Variants in OR56A3 observed in about 807,000 individuals in gnomAD.
OR56A3 encodes olfactory receptor 56A3.
In OR56A3, 23 loss-of-function variants were observed where a neutral mutation model predicts 17.5. The ratio of observed to expected loss-of-function variants is 1.32; its 90% confidence interval spans 0.95 to 1.87. The LOEUF (loss-of-function observed/expected upper bound fraction) is 1.87, where lower values mean the gene tolerates loss of function less well. OR56A3 is among the 40% of genes most tolerant of loss of function. The pLI, the probability that OR56A3 is intolerant of heterozygous loss-of-function variation, is 0.00. For synonymous variants in OR56A3, 175 were observed against 150.6 expected, an observed-to-expected ratio of 1.16 and a Z score of -1.19; for missense variants, 366 against 380.1, an observed-to-expected ratio of 0.96 and a Z score of 0.31.
the OR56A3 span, among the ~76,000 whole-genome samples, chr11:5,966,123 C>T: frequency 1.3e-5 from 2 of 150,270 alleles, no homozygotes; most frequent in South Asian, 2.1e-4. Context: ...GTAATCACAG[C>T]ACTTTGGGAG....
the OR56A3 span, among the ~76,000 whole-genome samples, chr11:5,993,143 A>G: frequency 3.3e-5 from 5 of 152,208 alleles, no homozygotes; most frequent in Non-Finnish European, 7.3e-5. Flanking sequence ...TGGTATTTTC[A>G]AAGACCTAAA....
the OR56A3 span, chr11:5,967,806 C>T: frequency 3.7e-5 from 58 of 1,573,052 alleles, no homozygotes; most frequent in Non-Finnish European, 4.4e-5. Context: ...ACCCTTAATC[C>T]TTAGCACAGT....
chr11:5,966,918 A>T, the OR56A3 span, among the ~76,000 whole-genome samples: 7 of 151,834 alleles, frequency 4.6e-5, no homozygotes, highest in Admixed American at 4.6e-4. Flanking sequence ...ACACACACAC[A>T]CACATAAATA....
chr11:5,977,244 T>C, the OR56A3 span, among the ~76,000 whole-genome samples: 1 of 152,236 alleles, frequency 6.6e-6, no homozygotes. Flanking sequence ...ATGGGATTTC[T>C]GAGTCAAATT....
chr11:5,986,002 T>C, the OR56A3 span: 2 of 1,612,792 alleles, frequency 1.2e-6, no homozygotes, highest in Non-Finnish European at 1.7e-6. Flanking sequence ...CTTCACTCCA[T>C]AGACAAGAGG....
In OR56A3 at chr11:5,948,665, G is replaced by T; in HGVS notation, c.*371G>T. 1 of 188,378 alleles carries T rather than the reference G, an allele frequency of 5.3e-6. No individual in the cohort carries two copies. Among genetic ancestry groups the T allele is most frequent in the Non-Finnish European group, 1.1e-5 (1 of 89,890 alleles). 11.7% of individuals were successfully genotyped at this position (188,378 alleles called of 1,614,324 possible). ...TTTTGTTGTGTCTGTTATGTGTAAT[G>T]TCCTTTTATTCTTATTTTCAGAAAA... On this transcript the variant is annotated 3_prime_UTR_variant, in exon 3 of 3. Coordinates refer to ENST00000641160, the MANE Select transcript of OR56A3 (RefSeq NM_001003443.3).
chr11:5,976,802 C>G, the OR56A3 span, among the ~76,000 whole-genome samples: 13 of 151,798 alleles, frequency 8.6e-5, no homozygotes, highest in African/African-American at 3.1e-4. Flanking sequence ...GTTTGGTGTA[C>G]AGATTATTTA....
the OR56A3 span, among the ~76,000 whole-genome samples, chr11:6,014,532 G>T: frequency 6.6e-6 from 1 of 152,186 alleles, no homozygotes; most frequent in Non-Finnish European, 1.5e-5. Flanking sequence ...CTCACCAGAA[G>T]CAGATGCTGT....
At chr11:5,967,642 G>T in the OR56A3 span, 2 of 1,613,900 alleles carry the variant, frequency 1.2e-6, no homozygotes, top group Non-Finnish European at 1.7e-6. Context: ...GGGGGAATAA[G>T]GTGGTGCAGG....
chr11:6,008,376 A>G, the OR56A3 span, among the ~76,000 whole-genome samples: 1 of 152,246 alleles, frequency 6.6e-6, no homozygotes, highest in Admixed American at 6.5e-5. Context: ...GACATGCTAA[A>G]TGAAGAAAAC....
chr11:5,996,903 C>G, the OR56A3 span, among the ~76,000 whole-genome samples: 1 of 152,140 alleles, frequency 6.6e-6, no homozygotes, highest in Non-Finnish European at 1.5e-5. Flanking sequence ...GGTTTTCTGT[C>G]CCAGACAGAG....
Position 5,947,739 on chromosome 11 carries a change from C to A in OR56A3, c.393C>A (p.Cys131Ter). 6.2e-7 allele frequency: 1 copy of A among 1,614,182 alleles called. No individual in the cohort carries two copies. Among genetic ancestry groups the A allele is most frequent in the East Asian group, 2.2e-5 (1 of 44,882 alleles). ...VMAYDRYVAI[C>*]HPLRYPSIIT... The stretch of plus-strand genomic sequence containing the variant: ...CCTATGATCGTTATGTAGCCATCTG[C>A]CACCCACTGAGATATCCATCAATCA... Residue 131 changes from cysteine (C) to a stop codon, truncating the protein, a stop_gained, in exon 3 of 3, where the codon TGC (cysteine) becomes TGA (stop). Coordinates refer to ENST00000641160, the MANE Select transcript of OR56A3 (RefSeq NM_001003443.3). LOFTEE classifies it high-confidence loss of function.
At chr11:5,990,865 G>C in the OR56A3 span, among the ~76,000 whole-genome samples, 3 of 152,160 alleles carry the variant, frequency 2.0e-5, no homozygotes, top group Non-Finnish European at 2.9e-5. Context: ...GCAACACAGA[G>C]AGAACTAGGA....
the OR56A3 span, among the ~76,000 whole-genome samples, chr11:5,983,137 G>A: frequency 6.6e-6 from 1 of 151,790 alleles, no homozygotes; most frequent in African/African-American, 2.4e-5. Flanking sequence ...TGTTTACCTT[G>A]GACTTAATTT....
the OR56A3 span, among the ~76,000 whole-genome samples, chr11:6,015,367 G>C: frequency 8.7e-6 from 1 of 115,548 alleles, no homozygotes; most frequent in African/African-American, 3.9e-5. Context: ...CTGGTTCAAA[G>C]TGGCTCAGGT....
In OR56A3 at chr11:5,947,647, T is replaced by C. The variant is rs1382134545; in HGVS notation, c.301T>C (p.Cys101Arg). ...FDLRPISFPA[C>R]FLQMYIMNCF... ...CCTCAGGCCCATCAGCTTCCCTGCCTGCTTCCTCCAGATGTACATCATGAA... is the reference window on the plus strand; with the variant it reads ...CCTCAGGCCCATCAGCTTCCCTGCCCGCTTCCTCCAGATGTACATCATGAA... The change falls in exon 3 of 3, where the codon TGC becomes CGC. Residue 101 changes from cysteine (C) to arginine (R), a missense_variant. Coordinates refer to ENST00000641160, the MANE Select transcript of OR56A3 (RefSeq NM_001003443.3). 6.2e-7 allele frequency: 1 copy of C among 1,614,222 alleles called. No homozygotes were observed. Among genetic ancestry groups the C allele is most frequent in the African/African-American group, 1.3e-5 (1 of 75,066 alleles).
the OR56A3 span, among the ~76,000 whole-genome samples, chr11:5,970,824 A>C: frequency 1.3e-5 from 2 of 152,194 alleles, no homozygotes; most frequent in Non-Finnish European, 2.9e-5. Context: ...AGTACATATA[A>C]TGTATTTTCT....
chr11:5,953,332 C>A (rs115439299), downstream of OR56A3, among the ~76,000 whole-genome samples: 1 of 152,108 alleles, frequency 6.6e-6, no homozygotes, highest in African/African-American at 2.4e-5. Flanking sequence ...TTTGACTTAA[C>A]AACAGCCATT....
chr11:6,021,280 T>C, the OR56A3 span: 1 of 152,204 alleles, frequency 6.6e-6, no homozygotes, highest in South Asian at 2.1e-4. Flanking sequence ...AAAAAATGTA[T>C]TGATCCTACA....
Sources: allele counts gnomAD v4.1 joint callset (sites outside exome capture counted in the v4.1 genomes callset), GRCh38; gene constraint gnomAD v4.1.1; transcripts MANE v1.5; gene names NCBI Gene and HGNC (gene_info 2026-07-23, HGNC 2026-07-21).